The following VSTM4 variants were observed in gnomAD, a reference collection of about 807,000 sequenced individuals.
The protein encoded by VSTM4 is V-set and transmembrane domain containing 4.
VSTM4 carries 20 observed loss-of-function variants against 36.4 expected under a neutral mutation model. That is an observed-to-expected ratio of 0.55 (90% CI 0.39 to 0.80). The LOEUF (loss-of-function observed/expected upper bound fraction) is 0.80. VSTM4 is among the 30% of genes least tolerant of loss of function. The pLI, the probability that VSTM4 is intolerant of heterozygous loss-of-function variation, is 0.00. For missense variants in VSTM4, 392 were observed against 404.5 expected (o/e 0.97, Z 0.26); for synonymous variants, 182 against 173.9 (o/e 1.05, Z -0.37).
intron 1 of VSTM4, among the ~76,000 whole-genome samples, chr10:49,114,690 A>G (rs1001254024): frequency 1.3e-5 from 2 of 152,056 alleles, no homozygotes; most frequent in African/African-American, 4.8e-5. Flanking sequence ...AGGGAAAGTG[A>G]CCATCGATAC....
chr10:49,067,332 G>A (rs765333099), intron 4 of VSTM4, among the ~76,000 whole-genome samples: 3 of 152,210 alleles, frequency 2.0e-5, no homozygotes, highest in Admixed American at 6.5e-5. Context: ...TACAGCGGAG[G>A]ACACTGAAGC....
At chr10:49,021,295 G>T (rs1024866148) in intron 7 of VSTM4, among the ~76,000 whole-genome samples, 1 of 151,778 alleles carries the variant, frequency 6.6e-6, no homozygotes. Context: ...ACCTATAAAA[G>T]TACTACAAAA....
chr10:49,049,402 T>C (rs1843663502), intron 5 of VSTM4, among the ~76,000 whole-genome samples: 1 of 152,210 alleles, frequency 6.6e-6, no homozygotes, highest in Admixed American at 6.5e-5. Context: ...ACTGCTCCGA[T>C]ATGAAACTTG....
At chr10:49,081,885 C>T (rs1458200781) in intron 3 of VSTM4, among the ~76,000 whole-genome samples, 1 of 152,224 alleles carries the variant, frequency 6.6e-6, no homozygotes, top group Non-Finnish European at 1.5e-5. Flanking sequence ...AGAAAGACCA[C>T]CTGAGTTCCC....
At chr10:49,097,162 G>A (rs369963612) in intron 2 of VSTM4, among the ~76,000 whole-genome samples, 20 of 152,170 alleles carry the variant, frequency 1.3e-4, no homozygotes, top group East Asian at 5.8e-4. Flanking sequence ...TGGCACTCAG[G>A]GCTACAGCTG....
At chr10:49,044,119 T>C (rs181657360) in intron 7 of VSTM4, among the ~76,000 whole-genome samples, 1 of 152,124 alleles carries the variant, frequency 6.6e-6, no homozygotes, top group African/African-American at 2.4e-5. Context: ...CTTGAGGCCA[T>C]GAGCTCGAAA....
chr10:49,107,180 CAG>C (rs1377487380), intron 2 of VSTM4, among the ~76,000 whole-genome samples: 2 of 152,222 alleles, frequency 1.3e-5, no homozygotes, highest in African/African-American at 4.8e-5. Context: ...CTGCACAAAT[CAG>C]AGTTGAGTCC....
At chr10:49,086,909 C>A (rs550016503) in intron 2 of VSTM4, among the ~76,000 whole-genome samples, 1 of 152,144 alleles carries the variant, frequency 6.6e-6, no homozygotes, top group Admixed American at 6.5e-5. Context: ...GTTACCACAA[C>A]GAAGAGCTCT....
At chr10:49,076,142 G>A (rs573589021) in intron 4 of VSTM4, among the ~76,000 whole-genome samples, 48 of 152,312 alleles carry the variant, frequency 3.2e-4, no homozygotes, top group African/African-American at 1.0e-3. Context: ...CATTAATGCT[G>A]CACAGAGTCA....
At chr10:49,084,173 AAAGTC>A (rs1844329586) in intron 3 of VSTM4, among the ~76,000 whole-genome samples, 1 of 152,256 alleles carries the variant, frequency 6.6e-6, no homozygotes, top group African/African-American at 2.4e-5. Context: ...TATGAGAAGT[AAAGTC>A]ATTTTCATTT....
chr10:49,069,067 ACT>A (rs1000622485), intron 4 of VSTM4, among the ~76,000 whole-genome samples: 1 of 149,260 alleles, frequency 6.7e-6, no homozygotes, highest in South Asian at 2.1e-4. Flanking sequence ...TGCTGCTCAC[ACT>A]CTCACCCCAT....
chr10:49,104,762 C>A (rs188380217), intron 2 of VSTM4, among the ~76,000 whole-genome samples: 1 of 151,368 alleles, frequency 6.6e-6, no homozygotes, highest in African/African-American at 2.4e-5. Context: ...TGGAGAGACA[C>A]AGAGAGATAG....
chr10:49,112,986 A>G (rs1034706405), intron 1 of VSTM4, among the ~76,000 whole-genome samples: 11 of 152,172 alleles, frequency 7.2e-5, no homozygotes, highest in Non-Finnish European at 1.6e-4. Context: ...GGGAGTAAGG[A>G]CAACTAACAG....
At chr10:49,030,992 T>G (rs1843337555) in intron 7 of VSTM4, among the ~76,000 whole-genome samples, 1 of 152,206 alleles carries the variant, frequency 6.6e-6, no homozygotes, top group Admixed American at 6.5e-5. Context: ...ATTCATTTCC[T>G]CTCCCCTGTG....
chr10:49,034,238 C>A (rs1843393600), intron 7 of VSTM4, among the ~76,000 whole-genome samples: 2 of 151,456 alleles, frequency 1.3e-5, no homozygotes, highest in South Asian at 4.2e-4. Flanking sequence ...ATCATTATCA[C>A]CACTATCATC....
chr10:49,096,815 C>A (rs976926302), intron 2 of VSTM4, among the ~76,000 whole-genome samples: 2 of 151,918 alleles, frequency 1.3e-5, no homozygotes, highest in African/African-American at 4.8e-5. Flanking sequence ...CCACCATGCC[C>A]GGCTAATTTT....
chr10:49,094,279 G>T (rs1320840731), intron 2 of VSTM4, among the ~76,000 whole-genome samples: 1 of 152,200 alleles, frequency 6.6e-6, no homozygotes. Context: ...CCTTGGAGTT[G>T]CAGGCTTTGT....
intron 5 of VSTM4, among the ~76,000 whole-genome samples, chr10:49,059,299 G>A (rs1185876740): frequency 1.3e-5 from 2 of 152,212 alleles, no homozygotes; most frequent in East Asian, 3.8e-4. Flanking sequence ...CTCATAGGGA[G>A]AACTGCCACT....
At chr10:49,027,259 T>A (rs760789235) in intron 7 of VSTM4, among the ~76,000 whole-genome samples, 22 of 152,204 alleles carry the variant, frequency 1.4e-4, no homozygotes, top group Non-Finnish European at 2.5e-4. Context: ...AACTCATTCA[T>A]TTATACAAGT....
Sources: gnomAD v4.1 joint callset for allele counts (sites outside exome capture counted in the v4.1 genomes callset) on GRCh38, gnomAD v4.1.1 for gene constraint, MANE v1.5 for transcripts, NCBI Gene and HGNC (gene_info 2026-07-23, HGNC 2026-07-21) for gene names.